STAB1: variants seen among roughly 807,000 people sequenced by gnomAD.
STAB1 encodes the protein stabilin-1.
In STAB1, 250 loss-of-function variants were observed where a neutral mutation model predicts 332.4. The ratio of observed to expected loss-of-function variants is 0.75; its 90% CI spans 0.68 to 0.84. The LOEUF is 0.84. Among genes scored for constraint, STAB1 ranks in the 40% least tolerant of loss-of-function variants. STAB1 has a pLI of 0.00. For missense variants in STAB1, 3,249 were observed against 3,489.7 expected, an observed-to-expected ratio of 0.93 and a Z score of 1.74; for synonymous variants, 1,475 against 1,390.4, an observed-to-expected ratio of 1.06 and a Z score of -1.35.
chr3:52,518,223 T>C (rs888240071), intron 45 of STAB1, 89 bp from the exon 46 acceptor site: 79 of 1,587,366 alleles, frequency 5.0e-5, no homozygotes, highest in Non-Finnish European at 6.3e-5. Context: ...ATGTCTGCCT[T>C]GGCTAGACCT....
chr3:52,520,056 A>G lies in STAB1; in HGVS notation c.5348A>G (p.Tyr1783Cys). Reference sequence around the variant, plus strand: ...CCTCCGGATCGCCAGGCCTGGCTGTACCATGAGGACCACCGTGACAAGCTA... The same window carrying G: ...CCTCCGGATCGCCAGGCCTGGCTGTGCCATGAGGACCACCGTGACAAGCTA... ...ALPPDRQAWL[Y>C]HEDHRDKLAA... The change falls in exon 51 of 69, where the codon TAC (tyrosine) becomes TGC (cysteine). Residue 1783 changes from tyrosine to cysteine, a missense_variant. By Grantham distance (194) the Tyr-to-Cys change is radical. Coordinates refer to ENST00000321725, the MANE Select transcript of STAB1 (RefSeq NM_015136.3). The G allele has an allele frequency of 6.2e-7, 1 of 1,612,606 alleles. No homozygotes were observed. Among genetic ancestry groups the G allele is most frequent in the Non-Finnish European group, 8.5e-7 (1 of 1,179,840 alleles).
In STAB1 at chr3:52,514,098, C is replaced by A. The variant is rs1709494355; in HGVS notation, c.3448-17C>A. The A allele has an allele frequency of 6.2e-7, 1 of 1,612,500 alleles. No homozygotes were observed. Among genetic ancestry groups the A allele is most frequent in the Non-Finnish European group, 8.5e-7 (1 of 1,179,438 alleles). ...GACAACTAATATGCCCATCCCTGAC[C>A]TCCACCCCATCCCTAGCACCATGGG... On this transcript the variant is annotated splice_polypyrimidine_tract_variant and intron_variant, in intron 32 of 68. Transcript: ENST00000321725.
At chr3:52,518,497 C>A (rs1269094507) in intron 46 of STAB1, 39 bp from the exon 47 acceptor site, 2 of 1,565,090 alleles carry the variant, frequency 1.3e-6, no homozygotes, top group Admixed American at 3.8e-5. Context: ...ACGCCTCAGG[C>A]TTCTCCCATT....
chr3:52,518,741 C>G lies in STAB1; in HGVS notation c.4906C>G (p.Arg1636Gly). 1 of 1,612,538 alleles carries G rather than the reference C, an allele frequency of 6.2e-7. No individual in the cohort carries two copies. Among genetic ancestry groups the G allele is most frequent in the South Asian group, 1.1e-5 (1 of 91,072 alleles). ...GCTCCAGGATGAGCTGGCCCGGATT[C>G]GTGCGCATCGCCAGCTGGTGTTTCG... ...NLSQDELARI[R>G]AHRQLVFRYH... The change falls in exon 48 of 69, where the codon CGT (arginine) becomes GGT (glycine). Residue 1636 changes from arginine (R) to glycine (G), a missense_variant. By Grantham distance (125) the Arg-to-Gly change is moderately radical. Transcript: ENST00000321725.
At chr3:52,510,563 C>G in intron 25 of STAB1, 56 bp downstream of exon 25, 1 of 1,564,552 alleles carries the variant, frequency 6.4e-7, no homozygotes, top group African/African-American at 1.3e-5. Context: ...TCTCTCCCTG[C>G]CCCATCTGAC....
chr3:52,516,306 G>A, intron 38 of STAB1, 50 bp from the exon 39 acceptor site: 2 of 1,606,808 alleles, frequency 1.2e-6, no homozygotes, highest in Non-Finnish European at 1.7e-6. Context: ...CCCCAGCCGG[G>A]ACAGGATGGA....
intron 30 of STAB1, 75 bp downstream of exon 30, chr3:52,513,316 C>T (rs1226333907): frequency 4.3e-6 from 6 of 1,410,630 alleles, no homozygotes; most frequent in Non-Finnish European, 4.8e-6. Context: ...GCAGGCTCTC[C>T]CACATCAGGG....
Position 52,520,039 on chromosome 3 carries a change from T to G in STAB1, c.5331T>G (p.Asp1777Glu), listed in dbSNP as rs780300939. The change falls in exon 51 of 69, where the codon GAT becomes GAG. Residue 1777 changes from aspartate (D) to glutamate (E), a missense_variant. Transcript: ENST00000321725. ...TDAAFRALPP[D>E]RQAWLYHEDH... Reference sequence around the variant, plus strand: ...CCGCCTTTCGAGCTCTGCCTCCGGATCGCCAGGCCTGGCTGTACCATGAGG... The same window carrying G: ...CCGCCTTTCGAGCTCTGCCTCCGGAGCGCCAGGCCTGGCTGTACCATGAGG... 1.2e-6 allele frequency: 2 copies of G among 1,612,696 alleles called. No individual in the cohort carries two copies.
In STAB1 at chr3:52,522,052, A is replaced by C. The variant is rs759074503; in HGVS notation, c.6287A>C (p.Gln2096Pro). 6.2e-7 allele frequency: 1 copy of C among 1,613,380 alleles called. No individual in the cohort carries two copies. The highest frequency in any genetic ancestry group is 8.5e-7 in the Non-Finnish European group (1 of 1,179,952). ...GRVCTVADLC[Q>P]DGHGGCSEHA... ...CTGCCCTCAGTGGCAGACCTGTGCC[A>C]GGACGGGCATGGTGGCTGCAGTGAG... The change falls in exon 59 of 69, where the codon CAG becomes CCG. Residue 2096 changes from glutamine (Q) to proline (P), a missense_variant. Physicochemically the swap from Gln to Pro is moderately conservative, Grantham distance 76 (BLOSUM62 -1). Transcript: ENST00000321725.
rs2079005715 is a variant in STAB1 at position 52,519,627 on chromosome 3, T to G, written c.5235+63T>G. On this transcript the variant is annotated intron_variant, in intron 50 of 68. Transcript: ENST00000321725. ...ATGCACGTGTAAGTGTGTGCAAGTG[T>G]GTATGCGTACCTGTGTGTGCATACC... 3 of 1,599,312 alleles carry G rather than the reference T, an allele frequency of 1.9e-6. No individual in the cohort carries two copies. The South Asian group carries it at 3.3e-5, about 18-fold the overall frequency.
Position 52,504,073 on chromosome 3 carries a change from C to T in STAB1, c.1068C>T (p.Tyr356=), listed in dbSNP as rs138924200. The change falls in exon 10 of 69, where the codon TAC becomes TAT. Residue 356 remains tyrosine, a synonymous_variant. Transcript: ENST00000321725. ...ESEVGDGRAC[Y]GHLLHEVQKA... The stretch of plus-strand genomic sequence containing the variant: ...AGGTGGGGGATGGGCGTGCCTGCTA[C>T]GGACACCTGCTCCACGAGGTGCAGA... The T allele has an allele frequency of 4.2e-5, 66 of 1,586,674 alleles. No homozygotes were observed. The highest frequency in any genetic ancestry group is 2.4e-4 in the African/African-American group (18 of 74,440).
intron 10 of STAB1, 65 bp downstream of exon 10, chr3:52,504,220 A>G: frequency 6.5e-7 from 1 of 1,537,888 alleles, no homozygotes; most frequent in Admixed American, 1.9e-5. Context: ...GCAGGGAGGG[A>G]GGAGCTGCCT....
In STAB1 at chr3:52,514,376, A is replaced by T. The variant is rs1709518414; in HGVS notation, c.3558A>T (p.Thr1186=). ...TCCTTCTCTTCCAGGACGCAGACAC[A>T]GTGCGGCACCATGTGGTCCTGGGGG... The part of the protein sequence containing the change: ...QGNSSHLDAD[T]VRHHVVLGEA... The change falls in exon 34 of 69, where the codon ACA becomes ACT. Residue 1186 remains threonine, a synonymous_variant. Transcript: ENST00000321725. 1 of 1,539,208 alleles carries T rather than the reference A, an allele frequency of 6.5e-7. No homozygotes were observed. Among genetic ancestry groups the T allele is most frequent in the Non-Finnish European group, 8.8e-7 (1 of 1,141,524 alleles).
rs751611828 is a variant in STAB1, at chr3:52,514,007, G to A, written c.3447+26G>A. 5.6e-6 allele frequency: 9 copies of A among 1,593,110 alleles called. No individual in the cohort carries two copies. The South Asian group carries it at 6.7e-5, about 12-fold the overall frequency. ...GTACGGAAGGCTGGCAAGAGGGGAT[G>A]TGCCTGCTCGGGGGACACTGTGCCC... On this transcript the variant is annotated intron_variant, in intron 32 of 68. Transcript: ENST00000321725.
At position 52,503,354 on chromosome 3, in the gene STAB1, C is replaced by G. The variant is rs758305944; in HGVS notation, c.705C>G (p.Pro235=). 42 of 1,610,530 alleles carry G rather than the reference C, an allele frequency of 2.6e-5. No homozygotes were observed. Among genetic ancestry groups the G allele is most frequent in the Non-Finnish European group, 3.4e-5 (40 of 1,178,130 alleles). ...TCTCTGCCCTGGCAGCCCCCAACCC[C>G]TGCTGGCCATCACCCTGCTCACTGC... The part of the protein sequence containing the change: ...QQGSECRAPN[P]CWPSPCSLLA... Residue 235 remains proline, a synonymous_variant, in exon 8 of 69, where the codon CCC becomes CCG. Transcript: ENST00000321725.
At position 52,514,401 on chromosome 3, in the gene STAB1, G is replaced by C. The variant is rs1329836157; in HGVS notation, c.3583G>C (p.Glu1195Gln). The C allele has an allele frequency of 6.4e-7, 1 of 1,552,782 alleles. No homozygotes were observed. The highest frequency in any genetic ancestry group is 1.4e-5 in the African/African-American group (1 of 73,230). ...AGTGCGGCACCATGTGGTCCTGGGG[G>C]AGGCCCTCTCCATGGAAACCCTGCG... is the stretch of plus-strand genomic sequence containing the variant. Reference protein sequence around the residue: ...DTVRHHVVLGEALSMETLRKG... With the variant: ...DTVRHHVVLGQALSMETLRKG... The change falls in exon 34 of 69, where the codon GAG becomes CAG. Residue 1195 changes from glutamate to glutamine, a missense_variant. Physicochemically the swap from Glu to Gln is conservative, Grantham distance 29. Coordinates refer to ENST00000321725, the MANE Select transcript of STAB1 (RefSeq NM_015136.3).
Position 52,514,757 on chromosome 3 carries a change from G to A in STAB1, c.3735G>A (p.Ser1245=), listed in dbSNP as rs764643786. 1.2e-5 allele frequency: 20 copies of A among 1,612,894 alleles called. No homozygotes were observed. Among genetic ancestry groups the A allele is most frequent in the African/African-American group, 5.3e-5 (4 of 74,928 alleles). The change falls in exon 35 of 69, where the codon TCG becomes TCA. Residue 1245 remains serine, a synonymous_variant. Transcript: ENST00000321725. The part of the protein sequence containing the change: ...EGPMLEAPGR[S]LIGLSGVLTV... ...CCATGCTGGAGGCCCCTGGCCGCTC[G>A]CTGATTGGTCTGTCGGGGGTCCTGA...
Position 52,524,180 on chromosome 3 carries a change from C to G in STAB1, c.7623C>G (p.Val2541=). ...NPTLVSVPNP[V]FGSDTFCEPF... ...CCCTGGTCTCTGTCCCCAACCCTGT[C>G]TTTGGCAGCGACACCTTTTGTGAAC... is the stretch of plus-strand genomic sequence containing the variant. Residue 2541 remains valine, a synonymous_variant, in exon 68 of 69, where the codon GTC becomes GTG. Coordinates refer to ENST00000321725, the MANE Select transcript of STAB1 (RefSeq NM_015136.3). 1 of 1,614,120 alleles carries G rather than the reference C, an allele frequency of 6.2e-7. No individual in the cohort carries two copies. Among genetic ancestry groups the G allele is most frequent in the Non-Finnish European group, 8.5e-7 (1 of 1,180,036 alleles).
At chr3:52,504,237 A>G in intron 10 of STAB1, 82 bp downstream of exon 10, 1 of 1,524,234 alleles carries the variant, frequency 6.6e-7, no homozygotes, top group Non-Finnish European at 8.8e-7. Flanking sequence ...GCCTCTGCAG[A>G]TTCCAGTTTC....
Sources: allele counts gnomAD v4.1 joint callset, GRCh38; gene constraint gnomAD v4.1.1; transcripts MANE v1.5; gene names NCBI Gene and HGNC (gene_info 2026-07-23, HGNC 2026-07-21).